Variants in NDC80 observed in about 807,000 individuals in gnomAD.
The protein encoded by NDC80 is kinetochore protein NDC80 homolog.
NDC80 carries 69 observed loss-of-function variants against 89.3 expected under a neutral mutation model. The observed-to-expected ratio is 0.77, with a 90% CI of 0.64 to 0.94. The LOEUF is 0.94. Ranked by LOEUF, NDC80 falls within the 40% of genes least tolerant of loss-of-function variation. The probability of loss-of-function intolerance (pLI) is 0.00; values close to 1 mark genes in which losing one functional copy is unlikely to be tolerated. For synonymous variants in NDC80, 243 were observed against 255.6 expected (o/e 0.95, Z 0.47); for missense variants, 593 against 739.6 (o/e 0.80, Z 2.30).
intron 13 of NDC80, among the ~76,000 whole-genome samples, chr18:2,603,551 T>TTAA (rs1317658807): frequency 6.6e-6 from 1 of 151,344 alleles, no homozygotes; most frequent in Non-Finnish European, 1.5e-5. Flanking sequence ...TATAAAGAAA[T>TTAA]TAATAAATTA....
At chr18:2,585,489 A>G (rs2072599140) in intron 7 of NDC80, among the ~76,000 whole-genome samples, 1 of 152,216 alleles carries the variant, frequency 6.6e-6, no homozygotes, top group Admixed American at 6.5e-5. Context: ...CTTGTAATTT[A>G]TTGAATACTA....
chr18:2,611,602 T>G (rs4798004), intron 16 of NDC80, among the ~76,000 whole-genome samples: 123,584 of 152,026 alleles, frequency 0.81, 50,654 homozygotes, highest in East Asian at 0.96. Context: ...AAAGTATGAG[T>G]TTTATTTACC....
rs2072556221 is a variant in NDC80 at position 2,577,991 on chromosome 18, C to T, written c.326C>T (p.Ala109Val). Residue 109 changes from alanine to valine, a missense_variant, in exon 5 of 17, where the codon GCA (alanine) becomes GTA (valine). Transcript: ENST00000261597. ...TAGTTTCTTACAGAAAATGGTTATGCACATAATGTGTCCATGAAATCTCTA... is the reference window on the plus strand; with the variant it reads ...TAGTTTCTTACAGAAAATGGTTATGTACATAATGTGTCCATGAAATCTCTA... The part of the protein sequence containing the change: ...LCEFLTENGY[A>V]HNVSMKSLQA... The T allele has an allele frequency of 1.2e-6, 2 of 1,613,728 alleles. No homozygotes were observed. The highest frequency in any genetic ancestry group is 1.1e-5 in the South Asian group (1 of 91,026).
chr18:2,592,668 A>G (rs1385653705), intron 10 of NDC80, among the ~76,000 whole-genome samples: 2 of 152,034 alleles, frequency 1.3e-5, no homozygotes, highest in African/African-American at 2.4e-5. Context: ...CATAAATTTT[A>G]TAGATATTAT....
chr18:2,597,834 T>A (rs1302433284), intron 11 of NDC80, among the ~76,000 whole-genome samples: 1 of 151,876 alleles, frequency 6.6e-6, no homozygotes, highest in Non-Finnish European at 1.5e-5. Context: ...AGGGAGGAAG[T>A]GGTTGCCCTG....
intron 3 of NDC80, among the ~76,000 whole-genome samples, chr18:2,576,448 G>A (rs2072546809): frequency 6.6e-6 from 1 of 152,140 alleles, no homozygotes; most frequent in Non-Finnish European, 1.5e-5. Context: ...CATTTAATCT[G>A]TTACAATATC....
intron 13 of NDC80, among the ~76,000 whole-genome samples, chr18:2,603,946 T>G (rs1421021247): frequency 2.0e-5 from 3 of 152,214 alleles, no homozygotes; most frequent in Non-Finnish European, 4.4e-5. Context: ...AAGGCTAATG[T>G]AGGCCTCATA....
At chr18:2,611,862 A>C (rs1488956261) in intron 16 of NDC80, among the ~76,000 whole-genome samples, 2 of 151,982 alleles carry the variant, frequency 1.3e-5, no homozygotes, top group Non-Finnish European at 2.9e-5. Flanking sequence ...AAAGACATTG[A>C]ACTGCTGCTT....
At chr18:2,614,561 A>AACTTTCACTCT (rs2072767274) in intron 16 of NDC80, 1 of 3,014 alleles carries the variant, frequency 3.3e-4, no homozygotes, top group Non-Finnish European at 5.7e-4. Flanking sequence ...GGAAGGAAGG[A>AACTTTCACTCT]AGGGAAAGAA....
intron 8 of NDC80, 80 bp downstream of exon 8, chr18:2,588,003 A>G (rs2072610523): frequency 9.1e-7 from 1 of 1,096,256 alleles, no homozygotes; most frequent in Non-Finnish European, 1.4e-6. Context: ...TACCATATCC[A>G]GTGTTCATAT....
chr18:2,612,707 C>A (rs867838630), intron 16 of NDC80, among the ~76,000 whole-genome samples: 1 of 152,104 alleles, frequency 6.6e-6, no homozygotes, highest in Non-Finnish European at 1.5e-5. Flanking sequence ...TAACATAAAG[C>A]TAGATTTGAA....
rs778496840 is a variant in NDC80, at chr18:2,595,584, G to A, written c.1184G>A (p.Trp395Ter). 3 of 1,613,622 alleles carry A rather than the reference G, an allele frequency of 1.9e-6. No homozygotes were observed. The highest frequency in any genetic ancestry group is 2.5e-6 in the Non-Finnish European group (3 of 1,179,694). ...CTGGAAGCTGAACAACAGAAGTTGT[G>A]GAATGAGGAGTTAAAATATGCCAGA... is the stretch of plus-strand genomic sequence containing the variant. Reference protein sequence around the residue: ...KDLEAEQQKLWNEELKYARGK... With the variant: ...KDLEAEQQKL Residue 395 changes from tryptophan to a stop codon, truncating the protein, a stop_gained, in exon 11 of 17, where the codon TGG becomes TAG. Coordinates refer to ENST00000261597, the MANE Select transcript of NDC80 (RefSeq NM_006101.3). LOFTEE classifies it high-confidence loss of function.
chr18:2,586,938 A>G (rs1568000160), intron 7 of NDC80, among the ~76,000 whole-genome samples: 1 of 152,216 alleles, frequency 6.6e-6, no homozygotes, highest in South Asian at 2.1e-4. Context: ...CACAAACTCG[A>G]TATTTTTAAA....
intron 8 of NDC80, 99 bp from the exon 9 acceptor site, chr18:2,589,105 G>C (rs2072614912): frequency 1.3e-6 from 1 of 771,962 alleles, no homozygotes; most frequent in Non-Finnish European, 2.3e-6. Flanking sequence ...TTTGGGCAGA[G>C]ACCAGAAGGA....
intron 12 of NDC80, 83 bp downstream of exon 12, chr18:2,599,254 C>G: frequency 8.9e-7 from 1 of 1,123,150 alleles, no homozygotes; most frequent in Non-Finnish European, 1.2e-6. Context: ...TTGTTCATAA[C>G]CCAGTACTAA....
rs995500012 is a variant in NDC80, at chr18:2,589,202, A to T, written c.764-2A>T. 1 of 1,603,594 alleles carries T rather than the reference A, an allele frequency of 6.2e-7. No homozygotes were observed. The highest frequency in any genetic ancestry group is 1.3e-5 in the African/African-American group (1 of 74,692). On this transcript the variant is annotated splice_acceptor_variant, in intron 8 of 16. Coordinates refer to ENST00000261597, the MANE Select transcript of NDC80 (RefSeq NM_006101.3). LOFTEE classifies it high-confidence loss of function. The stretch of plus-strand genomic sequence containing the variant: ...TAAAAAGCTTTTGGATTTTGTCTCC[A>T]GAGGATTTATTTAATGTGGATGCTT...
intron 14 of NDC80, 123 bp from the exon 15 acceptor site, chr18:2,608,577 C>A (rs2072727196): frequency 9.5e-7 from 1 of 1,048,680 alleles, no homozygotes; most frequent in Non-Finnish European, 1.3e-6. Flanking sequence ...CAGTAAGCAT[C>A]TTGAGAATAC....
At position 2,616,419 on chromosome 18, in the gene NDC80, G is replaced by A. The variant is rs1398196451; in HGVS notation, c.1792-18G>A. On this transcript the variant is annotated intron_variant, in intron 16 of 16. Coordinates refer to ENST00000261597, the MANE Select transcript of NDC80 (RefSeq NM_006101.3). ...ATTAATTTTTTTTACTTTAACAATT[G>A]TTAATTCTCTTCACTAGAAACATCT... The A allele has an allele frequency of 4.9e-6, 7 of 1,426,008 alleles. No homozygotes were observed. The highest frequency in any genetic ancestry group is 2.5e-5 in the East Asian group (1 of 39,824). 88.3% of individuals were successfully genotyped at this position (1,426,008 alleles called of 1,614,324 possible).
intron 16 of NDC80, 91 bp downstream of exon 16, chr18:2,610,952 A>C: frequency 1.2e-6 from 1 of 812,068 alleles, no homozygotes; most frequent in Non-Finnish European, 1.7e-6. Context: ...TAAATGATGA[A>C]TTTTATTTCT....
Sources: allele counts gnomAD v4.1 joint callset (sites outside exome capture counted in the v4.1 genomes callset), GRCh38; gene constraint gnomAD v4.1.1; transcripts MANE v1.5; gene names NCBI Gene and HGNC (gene_info 2026-07-23, HGNC 2026-07-21).